The following NEBL variants were observed in gnomAD, a reference collection of about 807,000 sequenced individuals.
NEBL encodes the protein nebulette.
A neutral mutation model predicts 140.2 loss-of-function variants in NEBL; 122 were observed. The observed-to-expected ratio is 0.87, with a 90% CI of 0.75 to 1.01. NEBL has a LOEUF of 1.01. Among genes scored for constraint, NEBL ranks in the 50% least tolerant of loss-of-function variants. NEBL has a pLI of 0.00. For missense variants in NEBL, 1,365 were observed against 1,231.3 expected (o/e 1.11, Z -1.62); for synonymous variants, 436 against 398.9 (o/e 1.09, Z -1.11).
intron 3 of NEBL, among the ~76,000 whole-genome samples, chr10:21,004,073 AC>A (rs1285737645): frequency 6.6e-6 from 1 of 152,232 alleles, no homozygotes; most frequent in Admixed American, 6.5e-5. Flanking sequence ...TTATACGCAT[AC>A]ACATAAGTAC....
At chr10:21,166,179 C>T (rs912665849) in intron 2 of NEBL, among the ~76,000 whole-genome samples, 1 of 132,030 alleles carries the variant, frequency 7.6e-6, no homozygotes, top group Non-Finnish European at 1.5e-5. Flanking sequence ...GAGATCAAGC[C>T]ACTGCACTCC....
At chr10:20,803,989 A>G (rs1837381885) in intron 26 of NEBL, among the ~76,000 whole-genome samples, 1 of 151,666 alleles carries the variant, frequency 6.6e-6, no homozygotes, top group African/African-American at 2.4e-5. Context: ...TTATACTTAT[A>G]TATATTTATG....
At chr10:21,070,110 G>T (rs915846337) in intron 2 of NEBL, 5 of 392,018 alleles carry the variant, frequency 1.3e-5, no homozygotes, top group Non-Finnish European at 2.6e-5. Context: ...AGCTGCAGGG[G>T]GACTTTTCGG....
At chr10:20,954,040 A>AG (rs1835653508) in intron 4 of NEBL, among the ~76,000 whole-genome samples, 1 of 151,330 alleles carries the variant, frequency 6.6e-6, no homozygotes, top group Non-Finnish European at 1.5e-5. Context: ...AAAAAAAAAA[A>AG]AAAGAAAGAA....
Position 21,173,692 on chromosome 10 carries a change from T to A in NEBL, c.69+73A>T. 1 of 1,606,422 alleles carries A rather than the reference T, an allele frequency of 6.2e-7. No homozygotes were observed. Among genetic ancestry groups the A allele is most frequent in the South Asian group, 1.1e-5 (1 of 90,920 alleles). The stretch of plus-strand genomic sequence containing the variant: ...CCCACTCATTGCTTTCCATCCCAGG[T>A]GCCAAAACTTCTCGAAGCAGGTGCA... On this transcript the variant is annotated intron_variant, in intron 1 of 6. Transcript: ENST00000417816. The surrounding 1 kb of genome is among the most constrained non-coding windows in gnomAD (Gnocchi z 5.7).
intron 4 of NEBL, among the ~76,000 whole-genome samples, chr10:20,907,551 C>T (rs1202850547): frequency 6.6e-6 from 1 of 151,974 alleles, no homozygotes; most frequent in African/African-American, 2.4e-5. Context: ...CTCAGATAAC[C>T]GAATTTAAGC....
chr10:20,803,563 T>G (rs1346956345), intron 26 of NEBL, among the ~76,000 whole-genome samples: 3 of 152,118 alleles, frequency 2.0e-5, no homozygotes, highest in African/African-American at 7.2e-5. Flanking sequence ...TAAATATTTA[T>G]AAACATTTCT....
chr10:21,265,799 G>A (rs1450011672), intron 1 of NEBL, among the ~76,000 whole-genome samples: 1 of 152,212 alleles, frequency 6.6e-6, no homozygotes, highest in East Asian at 1.9e-4. Context: ...ACTGGAATGT[G>A]AAGACAGTCA....
intron 19 of NEBL, among the ~76,000 whole-genome samples, chr10:20,821,432 T>C (rs1839303475): frequency 6.6e-6 from 1 of 152,170 alleles, no homozygotes; most frequent in Non-Finnish European, 1.5e-5. Flanking sequence ...ACCACTTGAG[T>C]GTTATCCAAA....
At chr10:21,220,208 C>A (rs187234619) in intron 3 of NEBL, among the ~76,000 whole-genome samples, 1 of 152,050 alleles carries the variant, frequency 6.6e-6, no homozygotes, top group Non-Finnish European at 1.5e-5. Context: ...CCACCATGCC[C>A]GGCGTGATTT....
At chr10:20,950,784 A>T (rs2131592745) in intron 4 of NEBL, among the ~76,000 whole-genome samples, 1 of 152,298 alleles carries the variant, frequency 6.6e-6, no homozygotes, top group Non-Finnish European at 1.5e-5. Flanking sequence ...TATTTCAATC[A>T]CTTTGTTTAT....
At chr10:20,947,492 G>T (rs1462770152) in intron 4 of NEBL, among the ~76,000 whole-genome samples, 11 of 152,098 alleles carry the variant, frequency 7.2e-5, no homozygotes, top group Admixed American at 7.2e-4. Context: ...TTTGGTGTAT[G>T]TATGACAACT....
At chr10:21,151,631 T>G (rs1050474652) in intron 2 of NEBL, among the ~76,000 whole-genome samples, 2 of 152,180 alleles carry the variant, frequency 1.3e-5, no homozygotes, top group African/African-American at 4.8e-5. Flanking sequence ...TTACAGGCCT[T>G]GTAGGGTCCC....
At chr10:21,028,568 C>T (rs967905988) in intron 2 of NEBL, among the ~76,000 whole-genome samples, 1 of 151,990 alleles carries the variant, frequency 6.6e-6, no homozygotes, top group Admixed American at 6.5e-5. Flanking sequence ...GTTGAGAGGG[C>T]ATATGAGAAT....
chr10:20,955,952 C>T (rs1353722662), intron 4 of NEBL, among the ~76,000 whole-genome samples: 1 of 151,650 alleles, frequency 6.6e-6, no homozygotes, highest in African/African-American at 2.4e-5. Flanking sequence ...CTTTTATTAC[C>T]GGGGCTCTTC....
intron 3 of NEBL, among the ~76,000 whole-genome samples, chr10:20,963,839 A>T (rs1220621516): frequency 6.6e-6 from 1 of 152,214 alleles, no homozygotes; most frequent in African/African-American, 2.4e-5. Context: ...TGGCTTGCAG[A>T]GTGTTGCAGG....
chr10:21,214,464 GGCACACACAT>G (rs1423244578), intron 3 of NEBL, among the ~76,000 whole-genome samples: 1 of 151,012 alleles, frequency 6.6e-6, no homozygotes, highest in African/African-American at 2.4e-5. Context: ...GCACACACAT[GGCACACACAT>G]GCACACACAC....
At chr10:21,113,973 T>C (rs1838164979) in intron 2 of NEBL, among the ~76,000 whole-genome samples, 1 of 152,048 alleles carries the variant, frequency 6.6e-6, no homozygotes, top group Admixed American at 6.6e-5. Flanking sequence ...TTGCTCTTCT[T>C]TTTCTAGTTT....
intron 2 of NEBL, chr10:21,146,614 G>A: frequency 1.3e-6 from 1 of 760,300 alleles, no homozygotes; most frequent in Non-Finnish European, 2.2e-6. Flanking sequence ...CCGTTGCTTA[G>A]TAACAAACAC....
Sources: allele counts gnomAD v4.1 joint callset (sites outside exome capture counted in the v4.1 genomes callset), GRCh38; gene constraint gnomAD v4.1.1; non-coding constraint Gnocchi (gnomAD v3.1); transcripts MANE v1.5; gene names NCBI Gene and HGNC (gene_info 2026-07-23, HGNC 2026-07-21).